NRXN3: variants seen among roughly 807,000 people sequenced by gnomAD.
The protein encoded by NRXN3 is neurexin 3.
A neutral mutation model predicts 137.6 loss-of-function variants in NRXN3; 32 were observed. That is an observed-to-expected ratio of 0.23 (90% CI 0.18 to 0.31). The LOEUF (loss-of-function observed/expected upper bound fraction) is 0.31, where lower values mean the gene tolerates loss of function less well. NRXN3 is among the 10% of genes least tolerant of loss of function. The pLI, the probability that NRXN3 is intolerant of heterozygous loss-of-function variation, is 1.00. For missense variants in NRXN3, 1,574 were observed against 2,062.5 expected (o/e 0.76, Z 4.59); for synonymous variants, 798 against 784.5 (o/e 1.02, Z -0.29).
At chr14:79,161,188 G>T (rs530487516) in intron 15 of NRXN3, among the ~76,000 whole-genome samples, 1 of 151,876 alleles carries the variant, frequency 6.6e-6, no homozygotes, top group African/African-American at 2.4e-5. Context: ...TGCCTTGAAG[G>T]TAGGGAAGAA....
chr14:79,267,940 A>G (rs2078697696), intron 15 of NRXN3, among the ~76,000 whole-genome samples: 2 of 152,344 alleles, frequency 1.3e-5, no homozygotes, highest in South Asian at 2.1e-4. Flanking sequence ...TGGGGCTCTC[A>G]TATAATTTTA....
chr14:79,272,029 G>C (rs1193073246), intron 15 of NRXN3, among the ~76,000 whole-genome samples: 1 of 152,080 alleles, frequency 6.6e-6, no homozygotes, highest in Non-Finnish European at 1.5e-5. Context: ...TTAACACTCA[G>C]TTTACGTGTT....
intron 15 of NRXN3, among the ~76,000 whole-genome samples, chr14:79,217,530 G>A (rs2068755753): frequency 6.6e-6 from 1 of 152,064 alleles, no homozygotes; most frequent in South Asian, 2.1e-4. Flanking sequence ...AAATATCATA[G>A]AAGAAAAAAT....
chr14:78,936,362 A>G (rs1281243784), intron 10 of NRXN3, among the ~76,000 whole-genome samples: 1 of 152,240 alleles, frequency 6.6e-6, no homozygotes, highest in Admixed American at 6.5e-5. Flanking sequence ...ATAAATAACC[A>G]TTTATTGGAA....
At chr14:79,565,355 G>C (rs112517961) in intron 16 of NRXN3, among the ~76,000 whole-genome samples, 1 of 138,138 alleles carries the variant, frequency 7.2e-6, no homozygotes, top group African/African-American at 2.5e-5. Flanking sequence ...GTGCGTATAT[G>C]TATACACACA....
chr14:79,035,450 G>A (rs571668848), intron 15 of NRXN3, among the ~76,000 whole-genome samples: 75 of 151,794 alleles, frequency 4.9e-4, no homozygotes, highest in Non-Finnish European at 8.2e-4. Context: ...AGCCATTCAC[G>A]TGAAAAGAAA....
At chr14:79,499,292 T>G (rs1490921572) in intron 16 of NRXN3, among the ~76,000 whole-genome samples, 1 of 152,176 alleles carries the variant, frequency 6.6e-6, no homozygotes, top group Non-Finnish European at 1.5e-5. Flanking sequence ...CAAACATGCC[T>G]GGTTTGTTCT....
chr14:78,693,253 T>A (rs1253637825), intron 6 of NRXN3, among the ~76,000 whole-genome samples: 1 of 151,988 alleles, frequency 6.6e-6, no homozygotes. Context: ...TCAGCAAGCT[T>A]TATCAGCTTT....
intron 4 of NRXN3, among the ~76,000 whole-genome samples, chr14:78,524,120 G>T (rs1030124): frequency 0.31 from 46,525 of 152,056 alleles, 8,474 homozygotes; most frequent in Admixed American, 0.38. Context: ...AAAAAGATGT[G>T]CTGCAAGCAC....
intron 15 of NRXN3, among the ~76,000 whole-genome samples, chr14:79,385,212 C>CG (rs1210921509): frequency 2.7e-4 from 31 of 113,890 alleles, no homozygotes; most frequent in Admixed American, 6.0e-4. Flanking sequence ...CTTCCCCCCG[C>CG]CCCCACCCCA....
At position 79,811,305 on chromosome 14, in the gene NRXN3, A is replaced by G. The variant is rs527251794; in HGVS notation, c.4093+6115A>G. ...TTTAGCTTTGGAAAGAGAACTGTAT[A>G]TCGATAGAAAATTACTTAATTTAAT... On this transcript the variant is annotated intron_variant, in intron 20 of 20. Transcript: ENST00000335750. Among the ~76,000 whole-genome samples the G allele has an allele frequency of 1.7e-4, 26 of 152,316 alleles. 1 individual carries two copies. The South Asian group carries it at 5.2e-3, about 30-fold the overall frequency.
At chr14:79,563,721 T>TA (rs1378806449) in intron 16 of NRXN3, among the ~76,000 whole-genome samples, 2 of 151,848 alleles carry the variant, frequency 1.3e-5, no homozygotes, top group Non-Finnish European at 2.9e-5. Context: ...TCTCTTCTTC[T>TA]AACCACAGGG....
At chr14:78,223,144 G>T (rs568429324) in intron 1 of NRXN3, among the ~76,000 whole-genome samples, 6 of 152,176 alleles carry the variant, frequency 3.9e-5, no homozygotes, top group Non-Finnish European at 5.9e-5. Context: ...AACTAACAAT[G>T]CAGAGTCACG....
chr14:79,521,113 A>G (rs2097059842), intron 16 of NRXN3, among the ~76,000 whole-genome samples: 1 of 152,188 alleles, frequency 6.6e-6, no homozygotes, highest in African/African-American at 2.4e-5. Context: ...GATCTATTGT[A>G]AAAGTTGAAA....
At chr14:78,369,013 C>T (rs980318475) in intron 4 of NRXN3, among the ~76,000 whole-genome samples, 1 of 152,146 alleles carries the variant, frequency 6.6e-6, no homozygotes, top group African/African-American at 2.4e-5. Context: ...GGAATACTCA[C>T]TGAACTAGGA....
At chr14:78,478,538 A>T (rs1335320280) in intron 4 of NRXN3, among the ~76,000 whole-genome samples, 5 of 152,036 alleles carry the variant, frequency 3.3e-5, no homozygotes, top group Non-Finnish European at 4.4e-5. Context: ...AAGGTTTTTA[A>T]AAAAGAAGTC....
intron 20 of NRXN3, among the ~76,000 whole-genome samples, chr14:79,827,432 G>C (rs996411291): frequency 2.0e-5 from 3 of 152,310 alleles, no homozygotes; most frequent in African/African-American, 4.8e-5. Flanking sequence ...AGCAGCAACT[G>C]TCTCACAGGA....
At chr14:78,489,452 T>C (rs931972851) in intron 4 of NRXN3, among the ~76,000 whole-genome samples, 1 of 151,968 alleles carries the variant, frequency 6.6e-6, no homozygotes, top group East Asian at 1.9e-4. Flanking sequence ...GAGGGAGGAA[T>C]GGGAAAGTAT....
Position 79,649,293 on chromosome 14 carries a change from G to A in NRXN3, c.3445-14485G>A, listed in dbSNP as rs534659863. ...GCCTGTGAGCCTCTGGCCAGGATCC[G>A]GGGTAAGTGCCTCACAAATCACTGT... On this transcript the variant is annotated intron_variant, in intron 16 of 20. Transcript: ENST00000335750. Among the ~76,000 whole-genome samples the A allele has an allele frequency of 2.2e-4, 33 of 152,222 alleles. No individual in the cohort carries two copies. In the South Asian group the frequency reaches 6.6e-3, roughly 31 times the overall value.
Sources: gnomAD v4.1 joint callset for allele counts (sites outside exome capture counted in the v4.1 genomes callset) on GRCh38, gnomAD v4.1.1 for gene constraint, MANE v1.5 for transcripts, NCBI Gene and HGNC (gene_info 2026-07-23, HGNC 2026-07-21) for gene names.